The following NKD1 variants were observed in gnomAD, a reference collection of about 807,000 sequenced individuals.
The protein encoded by NKD1 is NKD inhibitor of Wnt signaling pathway 1, also known as protein naked cuticle homolog 1.
In NKD1, 21 loss-of-function variants were observed where a neutral mutation model predicts 56.0. The observed-to-expected ratio is 0.38, with a 90% CI of 0.27 to 0.54. The LOEUF is 0.54. Ranked by LOEUF, NKD1 falls within the 20% of genes least tolerant of loss-of-function variation. The probability of loss-of-function intolerance (pLI) is 0.82; values close to 1 mark genes in which losing one functional copy is unlikely to be tolerated. For synonymous variants in NKD1, 263 were observed against 265.7 expected (o/e 0.99, Z 0.10); for missense variants, 578 against 642.7 (o/e 0.90, Z 1.09).
chr16:50,602,778 G>A (rs1961625181), intron 3 of NKD1, among the ~76,000 whole-genome samples: 1 of 152,246 alleles, frequency 6.6e-6, no homozygotes, highest in East Asian at 1.9e-4. Context: ...CCTGTGGTCT[G>A]GCCCTCTGCC....
At chr16:50,625,072 C>T (rs1178822558) in intron 5 of NKD1, among the ~76,000 whole-genome samples, 3 of 152,168 alleles carry the variant, frequency 2.0e-5, no homozygotes, top group Non-Finnish European at 2.9e-5. Flanking sequence ...CGGGGCTGAC[C>T]GACACCCGAA....
rs1178354811 is a variant in NKD1, at chr16:50,632,214, G to A, written c.696-67G>A. 1.3e-6 allele frequency: 2 copies of A among 1,536,940 alleles called. No homozygotes were observed. Among genetic ancestry groups the A allele is most frequent in the African/African-American group, 2.7e-5 (2 of 73,104 alleles). ...CAGAGTTCATTCTGGGGGCTTCCTA[G>A]TAGCCTATGCGCTTGCCCCCACCTG... On this transcript the variant is annotated intron_variant, in intron 8 of 9. Coordinates refer to ENST00000268459, the MANE Select transcript of NKD1 (RefSeq NM_033119.5). The surrounding 1 kb of genome is among the most constrained non-coding windows in gnomAD (Gnocchi z 4.1).
At chr16:50,567,182 C>T (rs1960779026) in intron 3 of NKD1, among the ~76,000 whole-genome samples, 1 of 152,114 alleles carries the variant, frequency 6.6e-6, no homozygotes, top group Non-Finnish European at 1.5e-5. Flanking sequence ...ACAGAATGCC[C>T]ACCGTTTGGA....
At chr16:50,606,982 A>G (rs997580597) in intron 3 of NKD1, 1 of 456,906 alleles carries the variant, frequency 2.2e-6, no homozygotes, top group Non-Finnish European at 4.4e-6. Flanking sequence ...TGTTAACACA[A>G]ACAGCCAGTT....
At position 50,639,995 on chromosome 16, in the gene NKD1, C is replaced by T. The variant is rs1208982114; in HGVS notation, c.*6214C>T. On this transcript the variant is annotated 3_prime_UTR_variant, in exon 10 of 10. Transcript: ENST00000268459. Reference sequence around the variant, plus strand: ...GTCTCATTTTGCTGTACTGCAAACTCAGGCTTGGTTCCAAGCTTATGGGGG... The same window carrying T: ...GTCTCATTTTGCTGTACTGCAAACTTAGGCTTGGTTCCAAGCTTATGGGGG... 3 of 152,216 alleles carry T rather than the reference C, an allele frequency of 2.0e-5. No individual in the cohort carries two copies. The highest frequency in any genetic ancestry group is 7.2e-5 in the African/African-American group (3 of 41,444). The allele number at this position is 152,216 out of a possible 1,614,324, so 9.4% of individuals were successfully genotyped here. A position where few individuals can be genotyped will look rare whatever the true frequency, so the allele number is the denominator to read the frequency against.
At chr16:50,616,900 G>A (rs1044410111) in intron 4 of NKD1, among the ~76,000 whole-genome samples, 52 of 152,334 alleles carry the variant, frequency 3.4e-4, no homozygotes, top group Non-Finnish European at 5.4e-4. Flanking sequence ...ACCTGGGGTT[G>A]TACAGTGCAC....
At chr16:50,579,897 C>CT (rs1427613529) in intron 3 of NKD1, among the ~76,000 whole-genome samples, 2 of 152,172 alleles carry the variant, frequency 1.3e-5, no homozygotes, top group Non-Finnish European at 2.9e-5. Context: ...CACACGCACT[C>CT]TAACTCGCCA....
chr16:50,571,565 A>T, intron 3 of NKD1: 1 of 983,036 alleles, frequency 1.0e-6, no homozygotes, highest in Non-Finnish European at 1.2e-6. Context: ...CGGGCTCTCC[A>T]TTCATCTGTT....
intron 3 of NKD1, among the ~76,000 whole-genome samples, chr16:50,600,623 G>A (rs1174263163): frequency 2.6e-5 from 4 of 152,220 alleles, no homozygotes; most frequent in Admixed American, 1.3e-4. Flanking sequence ...AGGAAGGCGC[G>A]ACCATGGCAT....
Position 50,623,725 on chromosome 16 carries a change from CTGTGTGTGTGTG to C in NKD1, c.367-1732_367-1721del, listed in dbSNP as rs71928407. 8.5e-5 allele frequency among the ~76,000 whole-genome samples: 12 copies of C among 141,632 alleles called. No individual in the cohort carries two copies. The highest frequency in any genetic ancestry group is 4.7e-4 in the South Asian group (2 of 4,216). 92.9% of individuals were successfully genotyped at this position (141,632 alleles called of 152,430 possible). On this transcript the variant is annotated intron_variant, in intron 5 of 9. Coordinates refer to ENST00000268459, the MANE Select transcript of NKD1 (RefSeq NM_033119.5). The surrounding 1 kb of genome is among the most constrained non-coding windows in gnomAD (Gnocchi z 4.1). ...AAGCTGTCTTGGAAACAGGTAAGTG[CTGTGTGTGTGTG>C]TGTGTGTGTGTGTGTGTGTGTGTGT... is the stretch of plus-strand genomic sequence containing the variant.
At chr16:50,622,257 C>T (rs960115343) in intron 5 of NKD1, among the ~76,000 whole-genome samples, 8 of 152,070 alleles carry the variant, frequency 5.3e-5, no homozygotes, top group Admixed American at 1.3e-4. Flanking sequence ...AGGCTCTGAG[C>T]GTAGGGGTAG....
chr16:50,608,169 C>G (rs1010532471), intron 3 of NKD1, 125 bp from the exon 4 acceptor site: 2 of 759,232 alleles, frequency 2.6e-6, no homozygotes, highest in African/African-American at 3.4e-5. Context: ...GCAATAGGAT[C>G]TGCCTCAGTT....
intron 3 of NKD1, among the ~76,000 whole-genome samples, chr16:50,590,651 AAAG>A (rs1300090848): frequency 6.6e-6 from 1 of 152,242 alleles, no homozygotes; most frequent in Non-Finnish European, 1.5e-5. Flanking sequence ...ACTAAGGTAC[AAAG>A]AAGTTTATTA....
chr16:50,617,076 G>T (rs1344785879), intron 4 of NKD1, among the ~76,000 whole-genome samples: 2 of 152,154 alleles, frequency 1.3e-5, no homozygotes, highest in African/African-American at 4.8e-5. Context: ...CAGCAGCTTG[G>T]GCTGGGTGGG....
At chr16:50,627,311 T>C (rs1962243513) in intron 6 of NKD1, among the ~76,000 whole-genome samples, 1 of 152,182 alleles carries the variant, frequency 6.6e-6, no homozygotes, top group Non-Finnish European at 1.5e-5. Flanking sequence ...TTTCCCTTCT[T>C]GTGAGGCAGA....
At chr16:50,605,049 G>T (rs1255220760) in intron 3 of NKD1, among the ~76,000 whole-genome samples, 1 of 152,240 alleles carries the variant, frequency 6.6e-6, no homozygotes, top group East Asian at 1.9e-4. Context: ...CAGGAGCCCT[G>T]GTTGCATGAG....
intron 3 of NKD1, chr16:50,607,518 G>C (rs1250485857): frequency 6.4e-6 from 1 of 157,244 alleles, no homozygotes; most frequent in Non-Finnish European, 1.4e-5. Context: ...CCAAACCCTT[G>C]TCTGTCCTCC....
rs138964473 is a variant in NKD1, at chr16:50,598,262, T to TGTGTGTGCGCGCGCGC, written c.193-10031_193-10030insTGTGTGCGCGCGCGCG. ...GTGTGTGTGTGTGTGTGTGTGTGTG[T>TGTGTGTGCGCGCGCGC]GCGCGCACACCTGTGCTCATGGACA... On this transcript the variant is annotated intron_variant, in intron 3 of 9. Transcript: ENST00000268459. The surrounding 1 kb of genome is among the most constrained non-coding windows in gnomAD (Gnocchi z 4.2). Among the ~76,000 whole-genome samples the TGTGTGTGCGCGCGCGC allele has an allele frequency of 4.0e-5, 6 of 148,668 alleles. No individual in the cohort carries two copies. The highest frequency in any genetic ancestry group is 1.3e-4 in the African/African-American group (5 of 39,160).
chr16:50,594,841 G>T (rs1326254874), intron 3 of NKD1, among the ~76,000 whole-genome samples: 1 of 152,122 alleles, frequency 6.6e-6, no homozygotes, highest in Non-Finnish European at 1.5e-5. Context: ...ACGTGCACAC[G>T]GTGCCCTGGG....
Sources: allele counts gnomAD v4.1 joint callset (sites outside exome capture counted in the v4.1 genomes callset), GRCh38; gene constraint gnomAD v4.1.1; non-coding constraint Gnocchi (gnomAD v3.1); transcripts MANE v1.5; gene names NCBI Gene and HGNC (gene_info 2026-07-23, HGNC 2026-07-21).